CDH13: variants seen among roughly 807,000 people sequenced by gnomAD.
The protein encoded by CDH13 is cadherin-13.
In CDH13, 24 loss-of-function variants were observed where a neutral mutation model predicts 63.8. The observed-to-expected ratio is 0.38, with a 90% CI of 0.27 to 0.53. CDH13 has a LOEUF of 0.53. Ranked by LOEUF, CDH13 falls within the 20% of genes least tolerant of loss-of-function variation. CDH13 has a pLI of 0.85. For synonymous variants in CDH13, 503 were observed against 355.3 expected (o/e 1.42, Z -4.67); for missense variants, 1,049 against 903.1 (o/e 1.16, Z -2.07).
At chr16:83,249,684 C>A (rs953199025) in intron 5 of CDH13, among the ~76,000 whole-genome samples, 1 of 152,158 alleles carries the variant, frequency 6.6e-6, no homozygotes, top group Admixed American at 6.5e-5. Context: ...GGGTATTTTT[C>A]CCCATATTAG....
At chr16:83,060,355 C>G (rs2031417891) in intron 3 of CDH13, among the ~76,000 whole-genome samples, 1 of 152,124 alleles carries the variant, frequency 6.6e-6, no homozygotes, top group East Asian at 1.9e-4. Flanking sequence ...AAAAATCCAG[C>G]ATTTTTGTAT....
intron 1 of CDH13, among the ~76,000 whole-genome samples, chr16:82,736,454 T>C (rs537282560): frequency 6.6e-6 from 1 of 152,294 alleles, no homozygotes; most frequent in South Asian, 2.1e-4. Context: ...GATGCATTGA[T>C]GAACAAGTTG....
intron 6 of CDH13, among the ~76,000 whole-genome samples, chr16:83,393,950 C>T (rs2091836636): frequency 6.6e-6 from 1 of 152,092 alleles, no homozygotes; most frequent in Non-Finnish European, 1.5e-5. Context: ...TGTGCAGGAA[C>T]ATGGATGGAC....
intron 8 of CDH13, among the ~76,000 whole-genome samples, chr16:83,661,663 A>G (rs1275781007): frequency 1.3e-5 from 2 of 152,154 alleles, no homozygotes; most frequent in Non-Finnish European, 1.5e-5. Context: ...AGTTTTGCAT[A>G]TGTGCAGTTC....
rs1301580717 is a variant in CDH13 at position 83,051,414 on chromosome 16, A to G, written c.366+19196A>G. Among the ~76,000 whole-genome samples, 8 of 152,356 alleles carry G rather than the reference A, an allele frequency of 5.3e-5. No individual in the cohort carries two copies. In the East Asian group the frequency reaches 9.6e-4, roughly 18 times the overall value. On this transcript the variant is annotated intron_variant, in intron 3 of 13. Transcript: ENST00000567109. ...CAGTAAAACCAATAACTCTTGATTT[A>G]TTATGTAACAATGTATATTTTTAGC... is the stretch of plus-strand genomic sequence containing the variant.
At chr16:82,964,547 C>T (rs1270198484) in intron 2 of CDH13, among the ~76,000 whole-genome samples, 2 of 152,188 alleles carry the variant, frequency 1.3e-5, no homozygotes, top group Non-Finnish European at 2.9e-5. Flanking sequence ...TGGCTTGTTT[C>T]CATCCGCCAC....
chr16:83,476,956 T>A lies in CDH13; in HGVS notation c.782-9521T>A, dbSNP rs866976707. On this transcript the variant is annotated intron_variant, in intron 6 of 13. Coordinates refer to ENST00000567109, the MANE Select transcript of CDH13 (RefSeq NM_001257.5). ...GGTAGATAAAAAGATTAAGTGGAAT[T>A]TTTAAGGGGTGTAAGAAAAATCTTA... Among the ~76,000 whole-genome samples the A allele has an allele frequency of 9.1e-3, 1,389 of 152,272 alleles. 15 individuals carry two copies. Among genetic ancestry groups the A allele is most frequent in the African/African-American group, 0.032 (1,321 of 41,544 alleles).
chr16:83,650,502 C>G (rs1770211307), intron 8 of CDH13, among the ~76,000 whole-genome samples: 1 of 152,146 alleles, frequency 6.6e-6, no homozygotes, highest in South Asian at 2.1e-4. Flanking sequence ...GTAGGGAGAC[C>G]TGACACACAC....
At chr16:83,290,239 C>G (rs185238778) in intron 5 of CDH13, among the ~76,000 whole-genome samples, 6 of 152,190 alleles carry the variant, frequency 3.9e-5, no homozygotes, top group African/African-American at 7.2e-5. Context: ...TACAATGGCT[C>G]CCTAACTGGG....
chr16:83,059,315 G>A (rs2031279183), intron 3 of CDH13, among the ~76,000 whole-genome samples: 1 of 152,182 alleles, frequency 6.6e-6, no homozygotes, highest in Non-Finnish European at 1.5e-5. Context: ...CCTGGGAGCA[G>A]GGAGAGCGGG....
At chr16:83,411,075 C>T (rs994925771) in intron 6 of CDH13, among the ~76,000 whole-genome samples, 2 of 152,172 alleles carry the variant, frequency 1.3e-5, no homozygotes, top group African/African-American at 4.8e-5. Flanking sequence ...CGGTCGTGGT[C>T]CACACTCCAG....
intron 5 of CDH13, among the ~76,000 whole-genome samples, chr16:83,221,660 T>TGG (rs537901799): frequency 1.6e-5 from 1 of 63,390 alleles, no homozygotes; most frequent in Non-Finnish European, 3.3e-5. Context: ...AGGAAGACGG[T>TGG]GGGGGGGCGG....
At chr16:83,104,101 T>C (rs2034645388) in intron 3 of CDH13, among the ~76,000 whole-genome samples, 2 of 152,204 alleles carry the variant, frequency 1.3e-5, no homozygotes, top group African/African-American at 4.8e-5. Context: ...GAATGAGTAT[T>C]ACACGACCAT....
intron 1 of CDH13, among the ~76,000 whole-genome samples, chr16:82,791,850 G>A (rs986634814): frequency 5.3e-5 from 8 of 152,176 alleles, no homozygotes; most frequent in African/African-American, 1.9e-4. Context: ...CTCACTGCAT[G>A]TGCCAAGGTT....
At chr16:83,077,186 C>CTTTTTTTTTTTTTTTTTT (rs34536219) in intron 3 of CDH13, among the ~76,000 whole-genome samples, 105 of 59,162 alleles carry the variant, frequency 1.8e-3, no homozygotes, top group Non-Finnish European at 2.4e-3. Context: ...TTTTTCTTTT[C>CTTTTTTTTTTTTTTTTTT]TTTTTTTTTT....
intron 5 of CDH13, among the ~76,000 whole-genome samples, chr16:83,291,855 G>A (rs1295991027): frequency 5.3e-5 from 8 of 152,064 alleles, no homozygotes; most frequent in Non-Finnish European, 1.2e-4. Context: ...TATTGAAAAA[G>A]TGTGTTCTAT....
intron 6 of CDH13, among the ~76,000 whole-genome samples, chr16:83,413,529 A>C (rs1299962378): frequency 6.6e-6 from 1 of 152,234 alleles, no homozygotes. Context: ...AATGTTCCCC[A>C]ACTAGAGATC....
chr16:83,223,185 G>A (rs185369667), intron 5 of CDH13, among the ~76,000 whole-genome samples: 162 of 152,332 alleles, frequency 1.1e-3, no homozygotes, highest in Non-Finnish European at 5.0e-4. Flanking sequence ...ATTTCTAGAG[G>A]ATGGACAATC....
At chr16:83,026,492 G>GT (rs1915813922) in intron 2 of CDH13, among the ~76,000 whole-genome samples, 2 of 150,484 alleles carry the variant, frequency 1.3e-5, no homozygotes, top group African/African-American at 2.4e-5. Flanking sequence ...AGGTTCGAGG[G>GT]TGGGGGGACA....
Sources: gnomAD v4.1 joint callset for allele counts (sites outside exome capture counted in the v4.1 genomes callset) on GRCh38, gnomAD v4.1.1 for gene constraint, MANE v1.5 for transcripts, NCBI Gene and HGNC (gene_info 2026-07-23, HGNC 2026-07-21) for gene names.